The following KLHL32 variants were observed in gnomAD, a reference collection of about 807,000 sequenced individuals.
The protein encoded by KLHL32 is kelch like family member 32.
In KLHL32, 35 loss-of-function variants were observed where a neutral mutation model predicts 64.8. That is an observed-to-expected ratio of 0.54 (90% CI 0.41 to 0.72). The LOEUF (loss-of-function observed/expected upper bound fraction) is 0.72, where lower values mean the gene tolerates loss of function less well. Ranked by LOEUF, KLHL32 falls within the 30% of genes least tolerant of loss-of-function variation. KLHL32 has a pLI of 0.00. For missense variants in KLHL32, 589 were observed against 768.5 expected, an observed-to-expected ratio of 0.77 and a Z score of 2.76; for synonymous variants, 259 against 281.0, an observed-to-expected ratio of 0.92 and a Z score of 0.78.
At chr6:96,929,723 A>G (rs890189428) in intron 1 of KLHL32, among the ~76,000 whole-genome samples, 3 of 152,156 alleles carry the variant, frequency 2.0e-5, no homozygotes, top group Non-Finnish European at 4.4e-5. Context: ...GCATTAATGT[A>G]TTTAATTTAA....
chr6:97,137,607 T>C (rs1800179183), intron 10 of KLHL32, among the ~76,000 whole-genome samples: 1 of 152,128 alleles, frequency 6.6e-6, no homozygotes, highest in Non-Finnish European at 1.5e-5. Flanking sequence ...CGATCTTGGC[T>C]CACTGCAAGC....
chr6:97,009,275 AG>A (rs1780065674), intron 3 of KLHL32, among the ~76,000 whole-genome samples: 1 of 151,976 alleles, frequency 6.6e-6, no homozygotes, highest in African/African-American at 2.4e-5. Context: ...AGTATTTTTA[AG>A]GCTATTCAGC....
chr6:97,118,963 A>G (rs1466822050), intron 7 of KLHL32, among the ~76,000 whole-genome samples: 1 of 152,106 alleles, frequency 6.6e-6, no homozygotes, highest in African/African-American at 2.4e-5. Context: ...ATAATTGAGG[A>G]ATTATTTTAA....
chr6:96,911,732 T>C, the KLHL32 span, among the ~76,000 whole-genome samples: 1 of 152,066 alleles, frequency 6.6e-6, no homozygotes, highest in African/African-American at 2.4e-5. Context: ...TTTTGGTCTT[T>C]TTCTTACTTA....
chr6:97,032,391 T>C (rs1484850890), intron 3 of KLHL32, among the ~76,000 whole-genome samples: 2 of 152,204 alleles, frequency 1.3e-5, no homozygotes, highest in South Asian at 4.1e-4. Context: ...AATATAGATA[T>C]ACATTATTTA....
upstream of KLHL32, among the ~76,000 whole-genome samples, chr6:96,924,280 C>T (rs1445338111): frequency 1.3e-5 from 2 of 152,170 alleles, no homozygotes; most frequent in Admixed American, 1.3e-4. Context: ...AGATTGCCCG[C>T]CAGCCCTGGG....
intron 1 of KLHL32, among the ~76,000 whole-genome samples, chr6:96,942,753 C>T (rs531968296): frequency 6.6e-6 from 1 of 150,420 alleles, no homozygotes; most frequent in African/African-American, 2.4e-5. Context: ...GGGGAGAAAG[C>T]ATAGAGAGAT....
chr6:97,036,244 A>C (rs923997521), intron 3 of KLHL32, among the ~76,000 whole-genome samples: 1 of 151,974 alleles, frequency 6.6e-6, no homozygotes, highest in African/African-American at 2.4e-5. Flanking sequence ...TAAAATTTAC[A>C]TTTCTCTAAC....
chr6:97,027,889 C>G (rs1453651266), intron 3 of KLHL32, among the ~76,000 whole-genome samples: 1 of 152,062 alleles, frequency 6.6e-6, no homozygotes, highest in African/African-American at 2.4e-5. Flanking sequence ...AGAGCTGTTA[C>G]TGTATATATT....
intron 3 of KLHL32, among the ~76,000 whole-genome samples, chr6:97,033,850 G>A (rs1182669163): frequency 6.6e-6 from 1 of 151,904 alleles, no homozygotes; most frequent in African/African-American, 2.4e-5. Flanking sequence ...TTCAGATCCT[G>A]TGACCATTTT....
intron 10 of KLHL32, among the ~76,000 whole-genome samples, chr6:97,138,080 C>G (rs1234754968): frequency 6.6e-6 from 1 of 152,244 alleles, no homozygotes; most frequent in African/African-American, 2.4e-5. Context: ...AGAGAAAAGT[C>G]AAATGAAAAG....
rs762684107 is a variant in KLHL32 at position 97,127,454 on chromosome 6, C to T, written c.1405C>T (p.Pro469Ser). 5.6e-6 allele frequency: 9 copies of T among 1,611,760 alleles called. 1 individual carries two copies. The East Asian group carries it at 6.7e-5, about 12-fold the overall frequency. Residue 469 changes from proline to serine, a missense_variant, in exon 8 of 11, where the codon CCT becomes TCT. Pro to Ser is a moderately conservative substitution (Grantham distance 74, BLOSUM62 -1). Around this residue, in one of 3 missense-constraint regions of KLHL32, gnomAD observed 172 missense variants for 192.0 expected, o/e 0.90. Coordinates refer to ENST00000369261, the MANE Select transcript of KLHL32 (RefSeq NM_052904.4). Reference protein sequence around the residue: ...QYQNRLMVYEPNQNKWISRSP... With the variant: ...QYQNRLMVYESNQNKWISRSP... ...TCAGAACAGGCTAATGGTGTATGAA[C>T]CTAACCAGGTAAGAATCATGTAAGA...
intron 1 of KLHL32, among the ~76,000 whole-genome samples, chr6:96,952,088 AGTGTGAGTGT>A (rs1772695535): frequency 6.6e-6 from 1 of 152,004 alleles, no homozygotes; most frequent in Non-Finnish European, 1.5e-5. Context: ...AGAGTGAGTG[AGTGTGAGTGT>A]GTGTGAGTGC....
intron 6 of KLHL32, among the ~76,000 whole-genome samples, chr6:97,103,448 T>C (rs537427990): frequency 3.1e-4 from 47 of 152,192 alleles, no homozygotes; most frequent in Non-Finnish European, 4.9e-4. Context: ...CTCCTGACCT[T>C]GTGATCTGCC....
intron 4 of KLHL32, among the ~76,000 whole-genome samples, chr6:97,047,855 G>A (rs1258635335): frequency 6.6e-6 from 1 of 152,156 alleles, no homozygotes; most frequent in Admixed American, 6.5e-5. Flanking sequence ...GAAGAGCCCT[G>A]CTTGGAAAGT....
intron 1 of KLHL32, among the ~76,000 whole-genome samples, chr6:96,942,654 G>GGT (rs373680196): frequency 0.096 from 13,783 of 144,000 alleles, 749 homozygotes; most frequent in African/African-American, 0.17. Context: ...ACAGCTGTGG[G>GGT]GTGTGTGTGT....
chr6:97,024,946 G>C, intron 3 of KLHL32: 1 of 958,428 alleles, frequency 1.0e-6, no homozygotes, highest in Non-Finnish European at 1.2e-6. Context: ...TAACTTTTAT[G>C]CTGTTTTATT....
intron 3 of KLHL32, chr6:97,025,089 A>C: frequency 1.0e-6 from 1 of 985,358 alleles, no homozygotes; most frequent in Non-Finnish European, 1.2e-6. Context: ...ATTAGTGTTG[A>C]GCGAAGGCAG....
chr6:97,052,544 C>A (rs1398222752), intron 4 of KLHL32, among the ~76,000 whole-genome samples: 3 of 152,208 alleles, frequency 2.0e-5, no homozygotes, highest in African/African-American at 4.8e-5. Flanking sequence ...TCTTTGCACA[C>A]CCAGCAGGGC....
Sources: allele counts gnomAD v4.1 joint callset (sites outside exome capture counted in the v4.1 genomes callset), GRCh38; gene constraint gnomAD v4.1.1; regional missense constraint gnomAD v4.1.1; transcripts MANE v1.5; gene names NCBI Gene and HGNC (gene_info 2026-07-23, HGNC 2026-07-21).